The following DPPA2 variants were observed in gnomAD, a reference collection of about 807,000 sequenced individuals.
The protein encoded by DPPA2 is developmental pluripotency-associated protein 2.
Under a neutral mutation model 36.2 loss-of-function variants are expected in DPPA2, and 26 were observed. The observed-to-expected ratio is 0.72, with a 90% CI of 0.53 to 1.00. The LOEUF is 1.00. DPPA2 is among the 50% of genes least tolerant of loss of function. The pLI, the probability that DPPA2 is intolerant of heterozygous loss-of-function variation, is 0.00. For synonymous variants in DPPA2, 113 were observed against 123.2 expected (o/e 0.92, Z 0.55); for missense variants, 361 against 365.1 (o/e 0.99, Z 0.09).
intron 8 of DPPA2, among the ~76,000 whole-genome samples, chr3:109,298,880 C>T (rs1707406774): frequency 6.6e-6 from 1 of 151,260 alleles, no homozygotes; most frequent in Non-Finnish European, 1.5e-5. Flanking sequence ...CCGTCCTCTA[C>T]CAAAAATTAA....
chr3:109,313,850 G>A (rs1576825709), intron 2 of DPPA2, among the ~76,000 whole-genome samples: 1 of 152,114 alleles, frequency 6.6e-6, no homozygotes, highest in East Asian at 1.9e-4. Flanking sequence ...GAGAAAAGTA[G>A]GGGCTCAAAG....
chr3:109,302,889 T>C (rs1423538842), intron 7 of DPPA2, among the ~76,000 whole-genome samples: 1 of 152,124 alleles, frequency 6.6e-6, no homozygotes, highest in Non-Finnish European at 1.5e-5. Context: ...GCAGTGTTTA[T>C]GTGCATGTAT....
intron 6 of DPPA2, among the ~76,000 whole-genome samples, chr3:109,305,917 C>T (rs1217170711): frequency 6.6e-6 from 1 of 151,960 alleles, no homozygotes; most frequent in Admixed American, 6.6e-5. Context: ...TTTACCTAAC[C>T]ACTACATTGT....
intron 7 of DPPA2, among the ~76,000 whole-genome samples, chr3:109,302,423 C>G (rs1707470663): frequency 6.6e-6 from 1 of 152,096 alleles, no homozygotes; most frequent in South Asian, 2.1e-4. Flanking sequence ...CTTATTTATA[C>G]TCCCATCTAA....
chr3:109,294,727 G>T (rs1299248007), intron 8 of DPPA2, among the ~76,000 whole-genome samples: 1 of 152,202 alleles, frequency 6.6e-6, no homozygotes, highest in East Asian at 1.9e-4. Flanking sequence ...AGGTTCTGTA[G>T]AAAAACTGTT....
rs547474587 is a variant in DPPA2 at position 109,315,220 on chromosome 3, G to GA, written c.-13-666dup. Reference sequence around the variant, plus strand: ...CAAATTACTTATTACGAAGGGAATGGAAAAAAGATTCAGAGCATTTTACGC... The same window carrying GA: ...CAAATTACTTATTACGAAGGGAATGGAAAAAAAGATTCAGAGCATTTTACGC... On this transcript the variant is annotated intron_variant, in intron 1 of 8. Transcript: ENST00000478945. Among the ~76,000 whole-genome samples, 511 of 152,328 alleles carry GA rather than the reference G, an allele frequency of 3.4e-3. 1 individual carries two copies. Among genetic ancestry groups the GA allele is most frequent in the African/African-American group, 0.011 (477 of 41,570 alleles).
At chr3:109,314,668 C>A in intron 1 of DPPA2, 113 bp from the exon 2 acceptor site, 1 of 966,882 alleles carries the variant, frequency 1.0e-6, no homozygotes, top group South Asian at 2.5e-5. Context: ...CAGATGAGCT[C>A]TTGTTTTCCT....
chr3:109,305,385 A>C (rs1707538617), intron 6 of DPPA2, among the ~76,000 whole-genome samples: 1 of 152,202 alleles, frequency 6.6e-6, no homozygotes, highest in South Asian at 2.1e-4. Context: ...GAGCCAAGTC[A>C]TGGATCCAGG....
At chr3:109,294,448 T>C (rs1223281847) in intron 8 of DPPA2, among the ~76,000 whole-genome samples, 2 of 152,336 alleles carry the variant, frequency 1.3e-5, no homozygotes, top group Admixed American at 6.5e-5. Flanking sequence ...TTGGGCTCAT[T>C]CTAAAACAGT....
chr3:109,300,216 C>G (rs1054727129), intron 8 of DPPA2, among the ~76,000 whole-genome samples, 155 bp downstream of exon 8: 3 of 152,104 alleles, frequency 2.0e-5, no homozygotes, highest in Non-Finnish European at 4.4e-5. Flanking sequence ...ATTTGTACTT[C>G]CTGGTAGACA....
At chr3:109,316,172 C>T (rs917732403) in intron 1 of DPPA2, 112 bp downstream of exon 1, 2 of 152,662 alleles carry the variant, frequency 1.3e-5, no homozygotes, top group African/African-American at 4.8e-5. Flanking sequence ...GATCTTCCCA[C>T]TACAGCCCAT....
intron 6 of DPPA2, 21 bp downstream of exon 6, chr3:109,308,011 A>G (rs1294012576): frequency 6.2e-7 from 1 of 1,608,136 alleles, no homozygotes. Context: ...AGTGGGACTC[A>G]CACTTTAAGG....
Position 109,306,849 on chromosome 3 carries a change from T to C in DPPA2, c.658+1183A>G, listed in dbSNP as rs367652285. Among the ~76,000 whole-genome samples, 23 of 151,664 alleles carry C rather than the reference T, an allele frequency of 1.5e-4. No individual in the cohort carries two copies. In the East Asian group the frequency reaches 4.3e-3, roughly 29 times the overall value. On this transcript the variant is annotated intron_variant, in intron 6 of 8. Coordinates refer to ENST00000478945, the MANE Select transcript of DPPA2 (RefSeq NM_138815.4). ...TTAGCCAGGCATGGTGGCGCATGAC[T>C]GTAATCCCAGCTACTCGGGAGGCTG...
chr3:109,303,386 T>C (rs79865818), intron 7 of DPPA2, among the ~76,000 whole-genome samples: 1 of 151,982 alleles, frequency 6.6e-6, no homozygotes, highest in Admixed American at 6.6e-5. Context: ...TTTTTTTTTT[T>C]TGAGACGGAG....
intron 7 of DPPA2, among the ~76,000 whole-genome samples, chr3:109,303,543 A>C (rs1707496700): frequency 6.6e-6 from 1 of 150,880 alleles, no homozygotes; most frequent in Non-Finnish European, 1.5e-5. Flanking sequence ...CTAATTTTGT[A>C]TTTTTAGTAG....
At chr3:109,307,944 C>A in intron 6 of DPPA2, 88 bp downstream of exon 6, 3 of 1,465,134 alleles carry the variant, frequency 2.0e-6, no homozygotes, top group Non-Finnish European at 2.7e-6. Flanking sequence ...TTAGCAAATG[C>A]CTTCCCTTTG....
chr3:109,299,686 C>CAA (rs755862175), intron 8 of DPPA2, among the ~76,000 whole-genome samples: 8 of 50,384 alleles, frequency 1.6e-4, no homozygotes, highest in Non-Finnish European at 2.4e-4. Flanking sequence ...GACCCCGTCT[C>CAA]AAAAAAAAAA....
In DPPA2 at chr3:109,309,216, G is replaced by A. The variant is rs1707648272; in HGVS notation, c.296C>T (p.Thr99Ile). The change falls in exon 4 of 9, where the codon ACT becomes ATT. Residue 99 changes from threonine (T) to isoleucine (I), a missense_variant. Transcript: ENST00000478945. ...GAGTTGTTGACACCAGTCCCGCAAA[G>A]TGTCCCGACACACCTTATTAATGGG... ...LPPINKVCRD[T>I]LRDWCQQLGL... 6.2e-7 allele frequency: 1 copy of A among 1,614,172 alleles called. No homozygotes were observed. Among genetic ancestry groups the A allele is most frequent in the Non-Finnish European group, 8.5e-7 (1 of 1,180,044 alleles).
chr3:109,314,366 A>C, intron 2 of DPPA2, 144 bp downstream of exon 2: 4 of 794,012 alleles, frequency 5.0e-6, no homozygotes, highest in Middle Eastern at 4.1e-4. Context: ...CTAACAATCT[A>C]TTTGCAAAGA....
Sources: gnomAD v4.1 joint callset for allele counts (sites outside exome capture counted in the v4.1 genomes callset) on GRCh38, gnomAD v4.1.1 for gene constraint, MANE v1.5 for transcripts, NCBI Gene and HGNC (gene_info 2026-07-23, HGNC 2026-07-21) for gene names.